The following THSD7A variants were observed in gnomAD, a reference collection of about 807,000 sequenced individuals.
The protein encoded by THSD7A is thrombospondin type 1 domain containing 7A, also known as thrombospondin type-1 domain-containing protein 7A.
THSD7A carries 96 observed loss-of-function variants against 231.3 expected under a neutral mutation model. The observed-to-expected ratio is 0.41, with a 90% CI of 0.35 to 0.49. The LOEUF is 0.49. Ranked by LOEUF, THSD7A falls within the 20% of genes least tolerant of loss-of-function variation. The pLI is 0.05. For synonymous variants in THSD7A, 940 were observed against 743.3 expected (o/e 1.26, Z -4.30); for missense variants, 2,290 against 2,070.2 (o/e 1.11, Z -2.06).
At chr7:11,654,982 T>G (rs1782652397) in intron 1 of THSD7A, among the ~76,000 whole-genome samples, 1 of 151,888 alleles carries the variant, frequency 6.6e-6, no homozygotes, top group Non-Finnish European at 1.5e-5. Context: ...GATGTCTTGA[T>G]GATGAATAGT....
chr7:11,468,363 C>G (rs147745580), intron 9 of THSD7A, among the ~76,000 whole-genome samples: 290 of 150,730 alleles, frequency 1.9e-3, no homozygotes, highest in African/African-American at 6.7e-3. Context: ...ATTCTACTGC[C>G]AACTGTGACC....
At chr7:11,594,666 T>G (rs1780295469) in intron 2 of THSD7A, among the ~76,000 whole-genome samples, 1 of 152,066 alleles carries the variant, frequency 6.6e-6, no homozygotes, top group African/African-American at 2.4e-5. Flanking sequence ...GGAAAAGTGA[T>G]GAAAGAAAAT....
intron 1 of THSD7A, among the ~76,000 whole-genome samples, chr7:11,808,350 C>T (rs573190694): frequency 1.3e-5 from 2 of 152,278 alleles, no homozygotes; most frequent in South Asian, 4.1e-4. Flanking sequence ...CTTTCACCTT[C>T]CACCGTGTGA....
chr7:11,379,352 G>A, intron 25 of THSD7A, 72 bp from the exon 26 acceptor site: 1 of 1,472,072 alleles, frequency 6.8e-7, no homozygotes, highest in Non-Finnish European at 9.4e-7. Flanking sequence ...CTGACTTGAA[G>A]AGAAGGCTTT....
intron 1 of THSD7A, among the ~76,000 whole-genome samples, chr7:11,723,225 G>C (rs574924936): frequency 6.8e-6 from 1 of 148,074 alleles, no homozygotes; most frequent in Non-Finnish European, 1.5e-5. Flanking sequence ...CTATCGCAAG[G>C]ACAAAAACCA....
At chr7:11,555,443 T>C (rs1789805199) in intron 4 of THSD7A, among the ~76,000 whole-genome samples, 1 of 152,090 alleles carries the variant, frequency 6.6e-6, no homozygotes, top group Admixed American at 6.6e-5. Flanking sequence ...GAACACTCTA[T>C]AAATTATTTT....
At chr7:11,524,745 A>G (rs1036245969) in intron 6 of THSD7A, among the ~76,000 whole-genome samples, 2 of 152,182 alleles carry the variant, frequency 1.3e-5, no homozygotes, top group African/African-American at 2.4e-5. Context: ...GCATCAAAAG[A>G]ATTTCTGCCA....
intron 9 of THSD7A, among the ~76,000 whole-genome samples, chr7:11,467,177 T>C (rs903553537): frequency 6.6e-6 from 1 of 152,136 alleles, no homozygotes; most frequent in Non-Finnish European, 1.5e-5. Flanking sequence ...AAGGCTTTCC[T>C]GATGTCTCCA....
chr7:11,769,134 TATATATATATATATATATA>T (rs1783130043), intron 1 of THSD7A, among the ~76,000 whole-genome samples: 1 of 45,972 alleles, frequency 2.2e-5, no homozygotes, highest in Non-Finnish European at 4.8e-5. Context: ...TATATATATA[TATATATATATATATATATA>T]TTTTTTTTTT....
In THSD7A at chr7:11,516,448, A is replaced by T. The variant is rs147849249; in HGVS notation, c.1822+24971T>A. Among the ~76,000 whole-genome samples, 34 of 152,298 alleles carry T rather than the reference A, an allele frequency of 2.2e-4. No individual in the cohort carries two copies. In the East Asian group the frequency reaches 6.4e-3, roughly 28 times the overall value. ...AGCTCTGCCAGAAGAAAAATTACTG[A>T]AGTGTACTTCATGGCTATATTATAG... On this transcript the variant is annotated intron_variant, in intron 6 of 27. Coordinates refer to ENST00000423059, the MANE Select transcript of THSD7A (RefSeq NM_015204.3).
At chr7:11,811,068 T>G (rs1784516330) in intron 1 of THSD7A, among the ~76,000 whole-genome samples, 1 of 152,176 alleles carries the variant, frequency 6.6e-6, no homozygotes, top group African/African-American at 2.4e-5. Context: ...AAGCTGCAGA[T>G]TAAATTATGT....
intron 6 of THSD7A, among the ~76,000 whole-genome samples, chr7:11,509,124 T>C (rs773553755): frequency 1.3e-5 from 2 of 152,368 alleles, no homozygotes; most frequent in Non-Finnish European, 2.9e-5. Flanking sequence ...ATATACACTT[T>C]ACATATAATT....
intron 8 of THSD7A, among the ~76,000 whole-genome samples, chr7:11,470,379 G>T (rs955988231): frequency 7.2e-5 from 11 of 151,884 alleles, no homozygotes; most frequent in African/African-American, 2.7e-4. Context: ...ATACATATTT[G>T]TATGACTAGG....
At chr7:11,398,594 TA>T (rs905672452) in intron 23 of THSD7A, among the ~76,000 whole-genome samples, 8 of 151,500 alleles carry the variant, frequency 5.3e-5, no homozygotes, top group East Asian at 1.9e-4. Flanking sequence ...TATGTTCTTA[TA>T]AAAAAAAAGA....
chr7:11,447,453 C>T lies in THSD7A; in HGVS notation c.2606-29G>A, dbSNP rs754906079. 7 of 1,475,424 alleles carry T rather than the reference C, an allele frequency of 4.7e-6. No homozygotes were observed. In the East Asian group the frequency reaches 1.5e-4, roughly 31 times the overall value. 91.4% of individuals were successfully genotyped at this position (1,475,424 alleles called of 1,614,324 possible). Reference sequence around the variant, plus strand: ...AAAGAAAAGCATAAAGCTGTTATAACAAATTCAAACGTCTAATTACTCTAT... The same window carrying T: ...AAAGAAAAGCATAAAGCTGTTATAATAAATTCAAACGTCTAATTACTCTAT... On this transcript the variant is annotated intron_variant, in intron 11 of 27. Transcript: ENST00000423059.
At chr7:11,550,632 C>T (rs747072594) in intron 4 of THSD7A, among the ~76,000 whole-genome samples, 5 of 152,096 alleles carry the variant, frequency 3.3e-5, no homozygotes, top group African/African-American at 4.8e-5. Flanking sequence ...TTTCTTGAGG[C>T]CTTCCCAGCG....
Position 11,820,684 on chromosome 7 carries a change from C to T in THSD7A, c.190+11073G>A, listed in dbSNP as rs370041631. 89 of 854,604 alleles carry T rather than the reference C, an allele frequency of 1.0e-4. No homozygotes were observed. In the African/African-American group the frequency reaches 1.4e-3, roughly 14 times the overall value. The allele number at this position is 854,604 out of a possible 1,614,324, so 52.9% of individuals were successfully genotyped here. On this transcript the variant is annotated intron_variant, in intron 1 of 27. Transcript: ENST00000423059. ...TTGGACCCACAAAGACTTTAGTCCC[C>T]AGTCTCGATGTCTCAAAGCCCGTGG... is the stretch of plus-strand genomic sequence containing the variant.
rs1195957420 is a variant in THSD7A at position 11,375,613 on chromosome 7, A to G, written c.*181T>C. The G allele has an allele frequency of 1.3e-5, 7 of 544,342 alleles. No homozygotes were observed. Among genetic ancestry groups the G allele is most frequent in the South Asian group, 8.3e-5 (3 of 36,286 alleles). 33.7% of individuals were successfully genotyped at this position (544,342 alleles called of 1,614,324 possible). A position where few individuals can be genotyped will look rare whatever the true frequency, so the allele number is the denominator to read the frequency against. On this transcript the variant is annotated 3_prime_UTR_variant, in exon 28 of 28. Coordinates refer to ENST00000423059, the MANE Select transcript of THSD7A (RefSeq NM_015204.3). ...AATTCTCACGGTTGATGGTCTGTAT[A>G]TAAGTGGTACTGTCTTAAATATCTC...
chr7:11,817,225 T>G (rs1340389755), intron 1 of THSD7A, among the ~76,000 whole-genome samples: 7 of 152,272 alleles, frequency 4.6e-5, no homozygotes, highest in Non-Finnish European at 8.8e-5. Context: ...CATCGTATAC[T>G]TCCAACATCC....
Sources: gnomAD v4.1 joint callset for allele counts (sites outside exome capture counted in the v4.1 genomes callset) on GRCh38, gnomAD v4.1.1 for gene constraint, MANE v1.5 for transcripts, NCBI Gene and HGNC (gene_info 2026-07-23, HGNC 2026-07-21) for gene names.